The following GLIPR1L1 variants were observed in gnomAD, a reference collection of about 807,000 sequenced individuals.
GLIPR1L1 encodes the protein GLIPR1-like protein 1.
Under a neutral mutation model 29.9 loss-of-function variants are expected in GLIPR1L1, and 26 were observed. The observed-to-expected ratio is 0.87, with a 90% CI of 0.64 to 1.21. The LOEUF is 1.21. Among genes scored for constraint, GLIPR1L1 ranks in the 50% most tolerant of loss-of-function variants. The probability of loss-of-function intolerance (pLI) is 0.00; values close to 1 mark genes in which losing one functional copy is unlikely to be tolerated. For missense variants in GLIPR1L1, 305 were observed against 290.3 expected (o/e 1.05, Z -0.37); for synonymous variants, 77 against 97.5 (o/e 0.79, Z 1.24).
chr12:75,342,487 C>G (rs1004323379), intron 1 of GLIPR1L1, among the ~76,000 whole-genome samples: 4 of 152,076 alleles, frequency 2.6e-5, no homozygotes, highest in Non-Finnish European at 4.4e-5. Context: ...GCAATTATAC[C>G]TACATTAAGA....
At chr12:75,339,930 A>G (rs1449492896) in intron 1 of GLIPR1L1, among the ~76,000 whole-genome samples, 1 of 152,022 alleles carries the variant, frequency 6.6e-6, no homozygotes, top group African/African-American at 2.4e-5. Context: ...ACTCTTCCCC[A>G]TGAGTCCCCA....
intron 1 of GLIPR1L1, among the ~76,000 whole-genome samples, chr12:75,335,479 C>T (rs1457255494): frequency 6.6e-6 from 1 of 152,072 alleles, no homozygotes; most frequent in Non-Finnish European, 1.5e-5. Context: ...TTGGAAATTT[C>T]CCTTGCATTG....
chr12:75,347,464 T>A (rs923780562), intron 2 of GLIPR1L1, among the ~76,000 whole-genome samples, 158 bp from the exon 3 acceptor site: 1 of 152,076 alleles, frequency 6.6e-6, no homozygotes, highest in African/African-American at 2.4e-5. Context: ...AATATAAGAA[T>A]TTTAATATAA....
chr12:75,346,670 A>T (rs1164702760), intron 2 of GLIPR1L1, among the ~76,000 whole-genome samples: 2 of 152,056 alleles, frequency 1.3e-5, no homozygotes, highest in East Asian at 3.9e-4. Flanking sequence ...TTAAGTTCTC[A>T]GTTCACTTTG....
At chr12:75,349,184 A>T (rs924787375) in intron 3 of GLIPR1L1, among the ~76,000 whole-genome samples, 3 of 152,196 alleles carry the variant, frequency 2.0e-5, no homozygotes, top group Non-Finnish European at 4.4e-5. Flanking sequence ...GAATAAGAGG[A>T]CACAGTTCTT....
chr12:75,347,522 TA>T, intron 2 of GLIPR1L1, 99 bp from the exon 3 acceptor site: 1 of 643,182 alleles, frequency 1.6e-6, no homozygotes, highest in Non-Finnish European at 2.7e-6. Context: ...TTATGTACAT[TA>T]TTTTTTGTAG....
At chr12:75,351,127 G>A (rs1413774893) in intron 3 of GLIPR1L1, among the ~76,000 whole-genome samples, 2 of 151,952 alleles carry the variant, frequency 1.3e-5, no homozygotes, top group Admixed American at 1.3e-4. Context: ...GCTGAAATAA[G>A]GCAGGCAGAC....
chr12:75,363,338 TA>T, intron 4 of GLIPR1L1, 148 bp downstream of exon 4: 1 of 397,328 alleles, frequency 2.5e-6, no homozygotes, highest in African/African-American at 2.1e-5. Flanking sequence ...TCATAAATTG[TA>T]ATACTTAAAC....
At chr12:75,368,833 T>C (rs1332187241) in intron 4 of GLIPR1L1, among the ~76,000 whole-genome samples, 1 of 151,442 alleles carries the variant, frequency 6.6e-6, no homozygotes, top group African/African-American at 2.4e-5. Context: ...TGTGAGTGTG[T>C]TATGTGTAAA....
intron 3 of GLIPR1L1, among the ~76,000 whole-genome samples, chr12:75,354,897 T>C (rs955504107): frequency 5.3e-5 from 8 of 152,108 alleles, no homozygotes; most frequent in African/African-American, 1.7e-4. Context: ...CCCTATTTAA[T>C]AGATGGTGCT....
intron 4 of GLIPR1L1, chr12:75,366,880 T>G: frequency 2.9e-6 from 2 of 701,636 alleles, no homozygotes; most frequent in Admixed American, 4.0e-5. Flanking sequence ...CTAATTTTGT[T>G]GAGGGTTCCC....
Position 75,334,804 on chromosome 12 carries a change from C to A in GLIPR1L1, c.76C>A (p.Pro26Thr). The change falls in exon 1 of 6, where the codon CCA becomes ACA. Residue 26 changes from proline (P) to threonine (T), a missense_variant. Coordinates refer to ENST00000378695, the MANE Select transcript of GLIPR1L1 (RefSeq NM_001304964.2). ...CLVATTSSKIPSITDPHFIDN... is the reference protein window; with the variant it reads ...CLVATTSSKITSITDPHFIDN... ...GGTAGCCACTACATCTTCCAAAATC[C>A]CATCCATCACTGACCCACACTTTAT... 6.2e-7 allele frequency: 1 copy of A among 1,614,048 alleles called. No individual in the cohort carries two copies. Among genetic ancestry groups the A allele is most frequent in the Non-Finnish European group, 8.5e-7 (1 of 1,179,964 alleles).
At chr12:75,364,353 C>T (rs1273275273) in intron 4 of GLIPR1L1, among the ~76,000 whole-genome samples, 1 of 152,218 alleles carries the variant, frequency 6.6e-6, no homozygotes, top group Non-Finnish European at 1.5e-5. Flanking sequence ...ACATTCTCCC[C>T]CTTCTGGCCA....
chr12:75,351,545 G>GTTT (rs200327101), intron 3 of GLIPR1L1, among the ~76,000 whole-genome samples: 1 of 148,430 alleles, frequency 6.7e-6, no homozygotes, highest in African/African-American at 2.5e-5. Flanking sequence ...ACTCTGTTTT[G>GTTT]TTTTGTTTTT....
intron 4 of GLIPR1L1, 35 bp from the exon 5 acceptor site, chr12:75,369,925 A>T: frequency 8.0e-7 from 1 of 1,246,202 alleles, no homozygotes; most frequent in Non-Finnish European, 1.1e-6. Flanking sequence ...TTGTTTTATA[A>T]CATTTTATAA....
intron 1 of GLIPR1L1, 134 bp from the exon 2 acceptor site, chr12:75,343,559 A>C: frequency 1.4e-6 from 1 of 699,650 alleles, no homozygotes; most frequent in Non-Finnish European, 2.3e-6. Context: ...AACTATGCAC[A>C]TAATAAATAC....
At chr12:75,352,088 A>G (rs1009906425) in intron 3 of GLIPR1L1, among the ~76,000 whole-genome samples, 2 of 152,254 alleles carry the variant, frequency 1.3e-5, no homozygotes, top group African/African-American at 4.8e-5. Flanking sequence ...ACTATGAAGC[A>G]ACTATATAAA....
intron 2 of GLIPR1L1, 73 bp from the exon 3 acceptor site, chr12:75,347,549 A>C: frequency 1.1e-6 from 1 of 901,908 alleles, no homozygotes; most frequent in Non-Finnish European, 1.8e-6. Context: ...CAAAGATTAT[A>C]CCAATTCTCT....
chr12:75,334,927 C>T, intron 1 of GLIPR1L1, 25 bp downstream of exon 1: 2 of 1,602,078 alleles, frequency 1.2e-6, no homozygotes, highest in Non-Finnish European at 1.7e-6. Context: ...GGGCTGGGCT[C>T]TTAAATCCCT....
Sources: gnomAD v4.1 joint callset for allele counts (sites outside exome capture counted in the v4.1 genomes callset) on GRCh38, gnomAD v4.1.1 for gene constraint, MANE v1.5 for transcripts, NCBI Gene and HGNC (gene_info 2026-07-23, HGNC 2026-07-21) for gene names.